LHFPL3: variants seen among roughly 807,000 people sequenced by gnomAD.
LHFPL3 encodes the protein LHFPL tetraspan subfamily member 3.
A neutral mutation model predicts 19.3 loss-of-function variants in LHFPL3; 5 were observed. The observed-to-expected ratio is 0.26, with a 90% CI of 0.14 to 0.54. The LOEUF (loss-of-function observed/expected upper bound fraction) is 0.54, where lower values mean the gene tolerates loss of function less well. LHFPL3 is among the 20% of genes least tolerant of loss of function. The pLI, the probability that LHFPL3 is intolerant of heterozygous loss-of-function variation, is 0.94. For missense variants in LHFPL3, 249 were observed against 307.4 expected, an observed-to-expected ratio of 0.81 and a Z score of 1.42; for synonymous variants, 133 against 126.2, an observed-to-expected ratio of 1.05 and a Z score of -0.36.
intron 1 of LHFPL3, among the ~76,000 whole-genome samples, chr7:104,519,510 A>T (rs1794000908): frequency 6.6e-6 from 1 of 152,190 alleles, no homozygotes; most frequent in Non-Finnish European, 1.5e-5. Flanking sequence ...CCAAAATAAG[A>T]TAGAAACCAG....
At chr7:104,597,965 G>C (rs1219428982) in intron 1 of LHFPL3, among the ~76,000 whole-genome samples, 1 of 152,114 alleles carries the variant, frequency 6.6e-6, no homozygotes, top group Non-Finnish European at 1.5e-5. Context: ...TGCTGACATT[G>C]AAGCAAGAAC....
chr7:104,403,194 A>T (rs2116497376), intron 1 of LHFPL3, among the ~76,000 whole-genome samples: 1 of 152,318 alleles, frequency 6.6e-6, no homozygotes, highest in African/African-American at 2.4e-5. Context: ...AAAGTATAAT[A>T]AATAAATTTT....
At chr7:104,340,592 T>A (rs78967007) in intron 1 of LHFPL3, among the ~76,000 whole-genome samples, 65 of 152,292 alleles carry the variant, frequency 4.3e-4, no homozygotes, top group African/African-American at 1.5e-3. Context: ...AAATTGAACT[T>A]ACAATGTACT....
At chr7:104,654,960 C>A (rs1055426039) in intron 1 of LHFPL3, among the ~76,000 whole-genome samples, 5 of 152,126 alleles carry the variant, frequency 3.3e-5, no homozygotes, top group African/African-American at 1.2e-4. Context: ...TCTTTTACTT[C>A]TGATCATTCA....
chr7:104,441,381 C>T (rs1008104309), intron 1 of LHFPL3, among the ~76,000 whole-genome samples: 2 of 152,120 alleles, frequency 1.3e-5, no homozygotes, highest in African/African-American at 4.8e-5. Flanking sequence ...CCTTCAGGTT[C>T]ACTCATGTTG....
chr7:104,902,743 G>A (rs1381105483), intron 2 of LHFPL3, among the ~76,000 whole-genome samples: 1 of 152,126 alleles, frequency 6.6e-6, no homozygotes, highest in Non-Finnish European at 1.5e-5. Flanking sequence ...CCGAGATCAC[G>A]CCACTGCACT....
intron 1 of LHFPL3, among the ~76,000 whole-genome samples, chr7:104,725,540 C>G (rs1217233423): frequency 6.6e-6 from 1 of 151,926 alleles, no homozygotes; most frequent in African/African-American, 2.4e-5. Flanking sequence ...TCCAAGTAAT[C>G]CTGAGAGGTG....
chr7:104,563,057 G>T (rs867334558), intron 1 of LHFPL3, among the ~76,000 whole-genome samples: 1 of 135,070 alleles, frequency 7.4e-6, no homozygotes, highest in Admixed American at 7.5e-5. Flanking sequence ...CTCCAGCTGC[G>T]TGCTGGGAGA....
intron 1 of LHFPL3, among the ~76,000 whole-genome samples, chr7:104,499,696 G>A (rs183563967): frequency 1.1e-3 from 173 of 152,296 alleles, no homozygotes; most frequent in Middle Eastern, 6.8e-3. Flanking sequence ...AATCTGTTAC[G>A]TTAATTTCTT....
At chr7:104,793,293 A>G (rs1310418411) in intron 2 of LHFPL3, among the ~76,000 whole-genome samples, 2 of 152,230 alleles carry the variant, frequency 1.3e-5, no homozygotes, top group African/African-American at 2.4e-5. Context: ...AAAGAGGGGA[A>G]AAACAGAGGA....
At chr7:104,334,845 T>C (rs1789756680) in intron 1 of LHFPL3, among the ~76,000 whole-genome samples, 2 of 152,196 alleles carry the variant, frequency 1.3e-5, no homozygotes, top group South Asian at 4.1e-4. Flanking sequence ...AAACCTCATA[T>C]CATCCAAAAT....
intron 1 of LHFPL3, among the ~76,000 whole-genome samples, chr7:104,731,614 A>C (rs1793706849): frequency 6.6e-6 from 1 of 151,644 alleles, no homozygotes; most frequent in Admixed American, 6.6e-5. Context: ...CAGCTTAAGG[A>C]GACTTTGGGC....
At position 104,906,235 on chromosome 7, in the gene LHFPL3, A is replaced by G. The variant is rs1180655073; in HGVS notation, c.*20A>G. Reference sequence around the variant, plus strand: ...GAATGAGCACAAAACAAATCGAATAACAGCTAAACAAATCGAATAACAGCT... The same window carrying G: ...GAATGAGCACAAAACAAATCGAATAGCAGCTAAACAAATCGAATAACAGCT... On this transcript the variant is annotated 3_prime_UTR_variant, in exon 3 of 3. Coordinates refer to ENST00000424859, the MANE Select transcript of LHFPL3 (RefSeq NM_199000.3). 1 of 1,603,974 alleles carries G rather than the reference A, an allele frequency of 6.2e-7. No individual in the cohort carries two copies. Among genetic ancestry groups the G allele is most frequent in the African/African-American group, 1.3e-5 (1 of 74,886 alleles).
At chr7:104,526,141 C>G (rs1036914611) in intron 1 of LHFPL3, among the ~76,000 whole-genome samples, 1 of 152,074 alleles carries the variant, frequency 6.6e-6, no homozygotes, top group Non-Finnish European at 1.5e-5. Flanking sequence ...AGTTTCTCAC[C>G]CCTTATGGTG....
At chr7:104,329,271 C>A in intron 1 of LHFPL3, 47 bp downstream of exon 1, 1 of 1,542,582 alleles carries the variant, frequency 6.5e-7, no homozygotes, top group Non-Finnish European at 8.7e-7. Context: ...CCGGGGCGCC[C>A]GAGCCGGGGA....
At chr7:104,354,352 T>C (rs1038827746) in intron 1 of LHFPL3, among the ~76,000 whole-genome samples, 2 of 152,206 alleles carry the variant, frequency 1.3e-5, no homozygotes, top group East Asian at 3.8e-4. Flanking sequence ...GAAGTGGACA[T>C]CTTGTACACA....
intron 1 of LHFPL3, among the ~76,000 whole-genome samples, chr7:104,563,351 C>A (rs1445194613): frequency 1.3e-5 from 2 of 152,298 alleles, no homozygotes; most frequent in Non-Finnish European, 2.9e-5. Flanking sequence ...GGGCGTAGGA[C>A]CCTCCGAGCC....
In LHFPL3 at chr7:104,633,607, A is replaced by G. The variant is rs1326243231; in HGVS notation, c.446-103068A>G. ...TGTACAGCTTCCTTCCTAAAATGATATCAGATGTACTGTCCACTTGTTCAT... is the reference window on the plus strand; with the variant it reads ...TGTACAGCTTCCTTCCTAAAATGATGTCAGATGTACTGTCCACTTGTTCAT... On this transcript the variant is annotated intron_variant, in intron 1 of 2. Coordinates refer to ENST00000424859, the MANE Select transcript of LHFPL3 (RefSeq NM_199000.3). Among the ~76,000 whole-genome samples the G allele has an allele frequency of 2.6e-5, 4 of 152,340 alleles. No individual in the cohort carries two copies. The South Asian group carries it at 8.3e-4, about 32-fold the overall frequency.
chr7:104,701,256 C>G (rs1383587522), intron 1 of LHFPL3, among the ~76,000 whole-genome samples: 4 of 151,962 alleles, frequency 2.6e-5, no homozygotes, highest in Admixed American at 6.6e-5. Flanking sequence ...TTTTTTCTCT[C>G]TAGAAGCTGT....
Sources: gnomAD v4.1 joint callset for allele counts (sites outside exome capture counted in the v4.1 genomes callset) on GRCh38, gnomAD v4.1.1 for gene constraint, MANE v1.5 for transcripts, NCBI Gene and HGNC (gene_info 2026-07-23, HGNC 2026-07-21) for gene names.